Variants in FBP2 observed in about 807,000 individuals in gnomAD.
FBP2 encodes the protein fructose-bisphosphatase 2.
Under a neutral mutation model 31.6 loss-of-function variants are expected in FBP2, and 27 were observed. That is an observed-to-expected ratio of 0.85 (90% CI 0.63 to 1.18). FBP2 has a LOEUF of 1.18. FBP2 is among the 50% of genes most tolerant of loss of function. The pLI is 0.00. For missense variants in FBP2, 421 were observed against 436.1 expected (o/e 0.97, Z 0.31); for synonymous variants, 168 against 179.8 (o/e 0.93, Z 0.53).
At chr9:94,565,167 C>T (rs1381712882) in intron 5 of FBP2, among the ~76,000 whole-genome samples, 3 of 151,938 alleles carry the variant, frequency 2.0e-5, no homozygotes, top group Non-Finnish European at 1.5e-5. Context: ...TGTGGTCAGG[C>T]GTTCAAGACC....
At chr9:94,584,146 G>A (rs1254616403) in intron 3 of FBP2, among the ~76,000 whole-genome samples, 1 of 152,098 alleles carries the variant, frequency 6.6e-6, no homozygotes, top group African/African-American at 2.4e-5. Context: ...TTTCAAATAG[G>A]GAGATCACCG....
intron 3 of FBP2, among the ~76,000 whole-genome samples, chr9:94,580,233 A>ATTTG (rs1014133655): frequency 1.3e-5 from 2 of 152,136 alleles, no homozygotes; most frequent in Admixed American, 6.5e-5. Context: ...ATTGCCTTTT[A>ATTTG]TTTGTTTGTT....
chr9:94,584,784 C>A, intron 2 of FBP2, 115 bp from the exon 3 acceptor site: 1 of 677,726 alleles, frequency 1.5e-6, no homozygotes. Flanking sequence ...TTGAGAACCA[C>A]AGCATATCTT....
intron 1 of FBP2, among the ~76,000 whole-genome samples, chr9:94,592,561 A>C (rs187510917): frequency 2.0e-5 from 3 of 152,126 alleles, no homozygotes; most frequent in Admixed American, 2.0e-4. Context: ...TTGAGATGGA[A>C]TCTCGTCCTG....
intron 4 of FBP2, among the ~76,000 whole-genome samples, 192 bp downstream of exon 4, chr9:94,571,270 A>C (rs532793208): frequency 6.6e-4 from 101 of 152,260 alleles, no homozygotes; most frequent in Non-Finnish European, 5.9e-5. Flanking sequence ...CCTCCCCCCG[A>C]GTGCCCTCAC....
In FBP2 at chr9:94,587,356, A is replaced by C; in HGVS notation, c.284T>G (p.Leu95Arg). ...MVQSSYSTCV[L>R]VSEENKDAII... ...GGCGTCCTTATTCTCTTCTGAGACC[A>C]GGACGCAGGTACTATAGGAGGATTG... Residue 95 changes from leucine to arginine, a missense_variant, in exon 2 of 7, where the codon CTG becomes CGG. Coordinates refer to ENST00000375337, the MANE Select transcript of FBP2 (RefSeq NM_003837.4). 1 of 1,614,036 alleles carries C rather than the reference A, an allele frequency of 6.2e-7. No homozygotes were observed. Among genetic ancestry groups the C allele is most frequent in the Non-Finnish European group, 8.5e-7 (1 of 1,179,992 alleles).
intron 3 of FBP2, among the ~76,000 whole-genome samples, chr9:94,572,290 C>G (rs1827277915): frequency 6.6e-6 from 1 of 152,116 alleles, no homozygotes; most frequent in East Asian, 1.9e-4. Context: ...CTCTTAGCTG[C>G]TACATTTGTA....
intron 3 of FBP2, among the ~76,000 whole-genome samples, chr9:94,582,346 G>A (rs919271123): frequency 1.0e-4 from 8 of 79,014 alleles, no homozygotes; most frequent in Non-Finnish European, 1.9e-4. Context: ...ATATGTGTGT[G>A]TGTGCGTGTG....
chr9:94,589,583 C>G (rs908007856), intron 1 of FBP2, among the ~76,000 whole-genome samples: 2 of 152,222 alleles, frequency 1.3e-5, no homozygotes, highest in East Asian at 3.8e-4. Flanking sequence ...AAGGAATTTC[C>G]TTTGCCTACT....
chr9:94,576,593 T>A (rs55983816), intron 3 of FBP2: 10,711 of 152,284 alleles, frequency 0.07, 467 homozygotes, highest in South Asian at 0.15. Flanking sequence ...GATGCTTTTG[T>A]CTTGGGGATC....
intron 2 of FBP2, among the ~76,000 whole-genome samples, 172 bp from the exon 3 acceptor site, chr9:94,584,841 C>T (rs1827410249): frequency 6.6e-6 from 1 of 152,152 alleles, no homozygotes; most frequent in Admixed American, 6.5e-5. Context: ...CCAGTTTATA[C>T]ACAAATACTC....
intron 6 of FBP2, 149 bp from the exon 7 acceptor site, chr9:94,559,281 C>T: frequency 3.0e-6 from 2 of 665,404 alleles, no homozygotes; most frequent in Non-Finnish European, 5.0e-6. Flanking sequence ...TGGGCCCGAG[C>T]TTTAGAGCCT....
Position 94,571,552 on chromosome 9 carries a change from A to T in FBP2, c.477T>A (p.Asn159Lys). 1 of 1,613,858 alleles carries T rather than the reference A, an allele frequency of 6.2e-7. No homozygotes were observed. The change falls in exon 4 of 7, where the codon AAT becomes AAA. Residue 159 changes from asparagine (N) to lysine (K), a missense_variant. Coordinates refer to ENST00000375337, the MANE Select transcript of FBP2 (RefSeq NM_003837.4). ...SEKDALQCGRNIVAAGYALYG... is the reference protein window; with the variant it reads ...SEKDALQCGRKIVAAGYALYG... ...ACAGCGCATAACCTGCGGCCACAAT[A>T]TTGCGGCCACACTGCAGGGCATCCT... is the stretch of plus-strand genomic sequence containing the variant.
chr9:94,593,453 C>A lies in FBP2; in HGVS notation c.170+104G>T, dbSNP rs567191323. ...CAGCTTCCATCTAGGGCACACAGGG[C>A]CAATAAGCTTTGGACCCAGTTTCTT... On this transcript the variant is annotated intron_variant, in intron 1 of 6. Transcript: ENST00000375337. 137 of 1,074,206 alleles carry A rather than the reference C, an allele frequency of 1.3e-4. No individual in the cohort carries two copies. The African/African-American group carries it at 2.1e-3, about 16-fold the overall frequency. The allele number at this position is 1,074,206 out of a possible 1,614,324, so 66.5% of individuals were successfully genotyped here.
rs970319429 is a variant in FBP2, at chr9:94,559,263, T to C, written c.826-131A>G. On this transcript the variant is annotated intron_variant, in intron 6 of 6. Coordinates refer to ENST00000375337, the MANE Select transcript of FBP2 (RefSeq NM_003837.4). ...GCTAGCATGAGCGCACCATGCACCT[T>C]GCAAGAGTGGGCCCGAGCTTTAGAG... 2.5e-5 allele frequency: 18 copies of C among 733,442 alleles called. No homozygotes were observed. In the African/African-American group the frequency reaches 3.0e-4, roughly 12 times the overall value. The allele number at this position is 733,442 out of a possible 1,614,324, so 45.4% of individuals were successfully genotyped here. A position where few individuals can be genotyped will look rare whatever the true frequency, so the allele number is the denominator to read the frequency against.
intron 6 of FBP2, 44 bp from the exon 7 acceptor site, chr9:94,559,176 A>G: frequency 5.1e-6 from 8 of 1,561,164 alleles, no homozygotes; most frequent in Non-Finnish European, 6.1e-6. Flanking sequence ...GCAAGTGGCC[A>G]AATGTCCCGA....
At chr9:94,579,050 C>CTCAAAAAA (rs1564185204) in intron 3 of FBP2, among the ~76,000 whole-genome samples, 7 of 30,588 alleles carry the variant, frequency 2.3e-4, no homozygotes, top group South Asian at 1.5e-3. Flanking sequence ...GAGACTCTGT[C>CTCAAAAAA]AAAAAAAAAA....
At chr9:94,587,058 A>G (rs1655946154) in intron 2 of FBP2, among the ~76,000 whole-genome samples, 1 of 152,202 alleles carries the variant, frequency 6.6e-6, no homozygotes, top group South Asian at 2.1e-4. Context: ...GCCACGAACA[A>G]GCGCCCACTG....
chr9:94,582,355 T>TGC (rs1365199886), intron 3 of FBP2, among the ~76,000 whole-genome samples: 2,032 of 20,084 alleles, frequency 0.1, 53 homozygotes, highest in African/African-American at 0.2. Flanking sequence ...TGTGTGCGTG[T>TGC]GTGTGTGTGT....
Sources: allele counts gnomAD v4.1 joint callset (sites outside exome capture counted in the v4.1 genomes callset), GRCh38; gene constraint gnomAD v4.1.1; transcripts MANE v1.5; gene names NCBI Gene and HGNC (gene_info 2026-07-23, HGNC 2026-07-21).